The following RMST variants were observed in gnomAD, a reference collection of about 807,000 sequenced individuals.
RMST encodes the protein long intergenic non-protein coding RNA 54.
intron 10 of RMST, among the ~76,000 whole-genome samples, chr12:97,520,790 A>G (rs928778685): frequency 2.0e-5 from 3 of 152,194 alleles, no homozygotes; most frequent in African/African-American, 7.2e-5. Flanking sequence ...AGTCAATTTT[A>G]TGATAGCATA....
intron 11 of RMST, among the ~76,000 whole-genome samples, chr12:97,547,293 C>A (rs1046572067): frequency 1.3e-5 from 2 of 151,786 alleles, no homozygotes; most frequent in African/African-American, 4.8e-5. Context: ...TGTTGATGAA[C>A]ACTTAGGCTG....
chr12:97,528,151 T>A (rs1446308413), intron 10 of RMST, among the ~76,000 whole-genome samples: 1 of 152,130 alleles, frequency 6.6e-6, no homozygotes, highest in Non-Finnish European at 1.5e-5. Context: ...TAAAGCAAAC[T>A]TTTGTAAAAG....
At chr12:97,464,272 C>T (rs760134731) in intron 4 of RMST, among the ~76,000 whole-genome samples, 121 of 152,256 alleles carry the variant, frequency 7.9e-4, no homozygotes, top group Non-Finnish European at 1.6e-4. Flanking sequence ...GTACCAAAAA[C>T]TTTCATTTCC....
chr12:97,491,021 T>A (rs1876735160), intron 5 of RMST, among the ~76,000 whole-genome samples: 2 of 152,168 alleles, frequency 1.3e-5, no homozygotes, highest in Non-Finnish European at 2.9e-5. Context: ...ATTAATTTAT[T>A]TTGGGGTGAT....
chr12:97,491,888 G>T (rs775316700), intron 5 of RMST: 1 of 523,276 alleles, frequency 1.9e-6, no homozygotes, highest in East Asian at 5.6e-5. Context: ...AACTCCACCC[G>T]AGCGTCCATG....
intron 5 of RMST, among the ~76,000 whole-genome samples, chr12:97,483,109 A>G (rs187104226): frequency 1.0e-3 from 152 of 152,250 alleles, no homozygotes; most frequent in African/African-American, 3.2e-3. Context: ...ACAAAATATC[A>G]GACCCGAATT....
At chr12:97,485,188 TA>T (rs1875937375) in intron 5 of RMST, among the ~76,000 whole-genome samples, 1 of 152,238 alleles carries the variant, frequency 6.6e-6, no homozygotes, top group African/African-American at 2.4e-5. Flanking sequence ...TCCAAAGATT[TA>T]TTCTCAGTTA....
intron 10 of RMST, among the ~76,000 whole-genome samples, chr12:97,529,811 G>A (rs1180612389): frequency 2.0e-5 from 3 of 152,006 alleles, no homozygotes; most frequent in Non-Finnish European, 4.4e-5. Flanking sequence ...TATATCAATC[G>A]ATCAATAGAT....
At chr12:97,557,395 T>G (rs996884007) in intron 11 of RMST, among the ~76,000 whole-genome samples, 11 of 152,108 alleles carry the variant, frequency 7.2e-5, no homozygotes, top group African/African-American at 2.2e-4. Context: ...GTGTGCATAC[T>G]CACTTAAAAT....
chr12:97,468,359 T>C (rs1873445708), intron 5 of RMST, among the ~76,000 whole-genome samples: 1 of 152,068 alleles, frequency 6.6e-6, no homozygotes, highest in Admixed American at 6.6e-5. Flanking sequence ...AGAAGGGCTA[T>C]ATAGACTCGT....
intron 10 of RMST, among the ~76,000 whole-genome samples, chr12:97,527,181 C>A (rs1361544155): frequency 1.3e-5 from 2 of 152,092 alleles, no homozygotes; most frequent in Non-Finnish European, 2.9e-5. Flanking sequence ...AGGGCTGTCA[C>A]AAGGACCAAC....
chr12:97,465,603 T>C (rs745422956), intron 4 of RMST: 1 of 152,142 alleles, frequency 6.6e-6, no homozygotes, highest in South Asian at 2.1e-4. Flanking sequence ...TCGAGTGAGA[T>C]TGTGGCTTTG....
intron 10 of RMST, among the ~76,000 whole-genome samples, chr12:97,498,094 G>T (rs1466724376): frequency 6.6e-6 from 1 of 152,042 alleles, no homozygotes; most frequent in East Asian, 1.9e-4. Context: ...TGGGTCTAGG[G>T]GTGTTTCCCC....
intron 5 of RMST, among the ~76,000 whole-genome samples, chr12:97,470,129 C>A (rs960498055): frequency 6.6e-6 from 1 of 152,070 alleles, no homozygotes; most frequent in African/African-American, 2.4e-5. Context: ...GCCGTTGGCT[C>A]CCAGGAAGCC....
chr12:97,558,844 CTGA>C (rs1373117214), intron 11 of RMST, among the ~76,000 whole-genome samples: 1 of 152,132 alleles, frequency 6.6e-6, no homozygotes, highest in Non-Finnish European at 1.5e-5. Flanking sequence ...GGCCAGCAAC[CTGA>C]TGGGGCCTCA....
intron 11 of RMST, among the ~76,000 whole-genome samples, chr12:97,550,845 C>T (rs1423469985): frequency 1.3e-5 from 2 of 152,090 alleles, no homozygotes; most frequent in African/African-American, 4.8e-5. Context: ...TCTGGAATTG[C>T]AAATTTATAG....
At position 97,524,075 on chromosome 12, in the gene RMST, CAAAAAA is replaced by C. The variant is rs537840796; in HGVS notation, n.1341-6557_1341-6552del. 6.8e-4 allele frequency among the ~76,000 whole-genome samples: 38 copies of C among 56,130 alleles called. 1 individual carries two copies. The highest frequency in any genetic ancestry group is 8.4e-4 in the Non-Finnish European group (26 of 31,004). The allele number at this position is 56,130 out of a possible 152,430, so 36.8% of individuals were successfully genotyped here. A position where few individuals can be genotyped will look rare whatever the true frequency, so the allele number is the denominator to read the frequency against. On this transcript the variant is annotated intron_variant and non_coding_transcript_variant, in intron 10 of 13. Coordinates refer to ENST00000640149, the Ensembl canonical transcript of RMST. ...TGGGCAACAGAGTGAGACTCTGTCT[CAAAAAA>C]AAAAAAAAAAAAAAAAAAAAAATCA...
intron 11 of RMST, among the ~76,000 whole-genome samples, chr12:97,543,830 T>C (rs1409899324): frequency 6.6e-6 from 1 of 152,012 alleles, no homozygotes; most frequent in Non-Finnish European, 1.5e-5. Flanking sequence ...AAATGTGGCT[T>C]CTGGGGTTTG....
At chr12:97,534,650 T>C (rs1313990817) in intron 11 of RMST, among the ~76,000 whole-genome samples, 1 of 151,742 alleles carries the variant, frequency 6.6e-6, no homozygotes, top group African/African-American at 2.4e-5. Flanking sequence ...TTTATTTTGC[T>C]TCAGTGTGCT....
Sources: gnomAD v4.1 joint callset for allele counts (sites outside exome capture counted in the v4.1 genomes callset) on GRCh38, gnomAD v4.1.1 for gene constraint, MANE v1.5 for transcripts, NCBI Gene and HGNC (gene_info 2026-07-23, HGNC 2026-07-21) for gene names.